The following NGLY1 variants were observed in gnomAD, a reference collection of about 807,000 sequenced individuals.
NGLY1 encodes N-glycanase 1, also known as peptide-N(4)-(N-acetyl-beta-glucosaminyl)asparagine amidase.
NGLY1 carries 68 observed loss-of-function variants against 84.6 expected under a neutral mutation model. The observed-to-expected ratio is 0.80, with a 90% CI of 0.66 to 0.98. The LOEUF (loss-of-function observed/expected upper bound fraction) is 0.98. NGLY1 is among the 50% of genes least tolerant of loss of function. The pLI is 0.00. For missense variants in NGLY1, 779 were observed against 770.2 expected (o/e 1.01, Z -0.14); for synonymous variants, 280 against 275.2 (o/e 1.02, Z -0.17).
chr3:25,766,021 C>A (rs953885541), intron 2 of NGLY1, among the ~76,000 whole-genome samples: 2 of 151,830 alleles, frequency 1.3e-5, no homozygotes, highest in African/African-American at 4.8e-5. Flanking sequence ...TTAAATACAT[C>A]ATCTCAAGTA....
intron 2 of NGLY1, among the ~76,000 whole-genome samples, chr3:25,765,508 C>T (rs1188014333): frequency 1.3e-5 from 2 of 150,676 alleles, no homozygotes; most frequent in Admixed American, 1.3e-4. Flanking sequence ...ACCTGCAGAT[C>T]ATGAGCATTT....
intron 3 of NGLY1, among the ~76,000 whole-genome samples, chr3:25,751,874 A>T (rs1236596573): frequency 6.6e-6 from 1 of 152,218 alleles, no homozygotes; most frequent in Non-Finnish European, 1.5e-5. Context: ...CCTCATCAAC[A>T]AAGAGGTCTG....
chr3:25,776,322 G>A (rs1246817886), intron 2 of NGLY1, among the ~76,000 whole-genome samples: 1 of 152,200 alleles, frequency 6.6e-6, no homozygotes, highest in African/African-American at 2.4e-5. Context: ...CTGAATGAAA[G>A]ACAAATCTAA....
In NGLY1 at chr3:25,733,931, T is replaced by C. The variant is rs201337954; in HGVS notation, c.1201A>G (p.Arg401Gly). The change falls in exon 8 of 12, where the codon AGA becomes GGA. Residue 401 changes from arginine to glycine, a missense_variant. Physicochemically the swap from Arg to Gly is moderately radical, Grantham distance 125. Coordinates refer to ENST00000280700, the MANE Select transcript of NGLY1 (RefSeq NM_018297.4). The part of the protein sequence containing the change: ...YSCKHEEVIA[R>G]RTKVKEALLR... ...AATGCTTCTTTAACCTTAGTTCTTC[T>C]GGCAATCACCTCTTCATGTTTGCAG... 3.1e-6 allele frequency: 5 copies of C among 1,613,958 alleles called. No individual in the cohort carries two copies. The highest frequency in any genetic ancestry group is 4.2e-6 in the Non-Finnish European group (5 of 1,179,894).
At chr3:25,776,498 A>G (rs751478669) in intron 2 of NGLY1, among the ~76,000 whole-genome samples, 3 of 152,180 alleles carry the variant, frequency 2.0e-5, no homozygotes, top group Non-Finnish European at 4.4e-5. Flanking sequence ...TAATCAGATG[A>G]CACCATAATT....
At chr3:25,725,545 G>A (rs1705208415) in intron 10 of NGLY1, among the ~76,000 whole-genome samples, 1 of 152,220 alleles carries the variant, frequency 6.6e-6, no homozygotes, top group African/African-American at 2.4e-5. Flanking sequence ...ATTGGCATCT[G>A]AAGTGGGGAG....
chr3:25,739,225 T>A (rs1705999848), intron 5 of NGLY1, among the ~76,000 whole-genome samples: 1 of 152,216 alleles, frequency 6.6e-6, no homozygotes, highest in African/African-American at 2.4e-5. Context: ...ATGTTATGAC[T>A]ATACTCAAGT....
rs1019451169 is a variant in NGLY1, at chr3:25,730,947, G to A, written c.1425+1372C>T. Among the ~76,000 whole-genome samples, 9 of 152,100 alleles carry A rather than the reference G, an allele frequency of 5.9e-5. No homozygotes were observed. The East Asian group carries it at 1.5e-3, about 26-fold the overall frequency. Reference sequence around the variant, plus strand: ...CAGTGACTCAACTTTAGCTCCCTAAGGGCAAAGGACAGTCTATTATACTGC... The same window carrying A: ...CAGTGACTCAACTTTAGCTCCCTAAAGGCAAAGGACAGTCTATTATACTGC... On this transcript the variant is annotated intron_variant, in intron 9 of 11. Coordinates refer to ENST00000280700, the MANE Select transcript of NGLY1 (RefSeq NM_018297.4).
In NGLY1 at chr3:25,778,477, A is replaced by G. The variant is rs546272013; in HGVS notation, c.246+97T>C. ...CTTCTACTGATTCCCAAAATGATAAATTAAAAAACATTATCTTATTCAAAC... is the reference window on the plus strand; with the variant it reads ...CTTCTACTGATTCCCAAAATGATAAGTTAAAAAACATTATCTTATTCAAAC... On this transcript the variant is annotated intron_variant, in intron 2 of 11. Coordinates refer to ENST00000280700, the MANE Select transcript of NGLY1 (RefSeq NM_018297.4). 7 of 600,566 alleles carry G rather than the reference A, an allele frequency of 1.2e-5. No homozygotes were observed. The African/African-American group carries it at 1.3e-4, about 11-fold the overall frequency. 37.2% of individuals were successfully genotyped at this position (600,566 alleles called of 1,614,324 possible).
At chr3:25,729,745 C>CTT (rs1705445323) in intron 9 of NGLY1, 2 of 152,322 alleles carry the variant, frequency 1.3e-5, no homozygotes, top group African/African-American at 4.8e-5. Flanking sequence ...CACTTTCCTG[C>CTT]TTAACTCACT....
chr3:25,768,672 A>G (rs1204063270), intron 2 of NGLY1, among the ~76,000 whole-genome samples: 2 of 150,086 alleles, frequency 1.3e-5, no homozygotes, highest in African/African-American at 4.9e-5. Flanking sequence ...CAGCCTCCCA[A>G]GTAGCTGGGA....
intron 3 of NGLY1, among the ~76,000 whole-genome samples, chr3:25,751,843 T>C (rs574179604): frequency 2.6e-5 from 4 of 152,196 alleles, no homozygotes; most frequent in Non-Finnish European, 5.9e-5. Flanking sequence ...GCTAATTATC[T>C]CGGCTTCTCC....
At position 25,730,923 on chromosome 3, in the gene NGLY1, A is replaced by C. The variant is rs546309568; in HGVS notation, c.1425+1396T>G. Among the ~76,000 whole-genome samples, 3 of 152,174 alleles carry C rather than the reference A, an allele frequency of 2.0e-5. No individual in the cohort carries two copies. The South Asian group carries it at 6.2e-4, about 32-fold the overall frequency. On this transcript the variant is annotated intron_variant, in intron 9 of 11. Coordinates refer to ENST00000280700, the MANE Select transcript of NGLY1 (RefSeq NM_018297.4). ...CTAAACATTTTATTAAATGCTCTCC[A>C]GTGACTCAACTTTAGCTCCCTAAGG...
At chr3:25,771,516 C>A (rs551183583) in intron 2 of NGLY1, among the ~76,000 whole-genome samples, 1 of 151,884 alleles carries the variant, frequency 6.6e-6, no homozygotes, top group Non-Finnish European at 1.5e-5. Context: ...GTTTTGGCTA[C>A]GTAGGCTGCT....
upstream of NGLY1, among the ~76,000 whole-genome samples, chr3:25,786,988 C>T (rs1397931753): frequency 6.6e-6 from 1 of 152,182 alleles, no homozygotes; most frequent in Non-Finnish European, 1.5e-5. Context: ...TCATAGAAGT[C>T]ATAAGTTTAG....
intron 3 of NGLY1, among the ~76,000 whole-genome samples, chr3:25,762,223 T>C (rs1378920961): frequency 6.6e-6 from 1 of 152,102 alleles, no homozygotes; most frequent in Non-Finnish European, 1.5e-5. Flanking sequence ...CTTTAAAAAA[T>C]ATCTCTCTGG....
chr3:25,783,472 C>A, upstream of NGLY1: 1 of 1,333,488 alleles, frequency 7.5e-7, no homozygotes, highest in South Asian at 2.0e-5. The surrounding 1 kb of genome is among the most constrained non-coding windows in gnomAD (Gnocchi z 4.5). Flanking sequence ...GCAGCAGCTA[C>A]CGCAGCCACC....
intron 3 of NGLY1, among the ~76,000 whole-genome samples, chr3:25,754,737 G>C (rs892630863): frequency 2.7e-5 from 4 of 148,048 alleles, no homozygotes; most frequent in Admixed American, 6.7e-5. Context: ...ACTGTACTAT[G>C]AAGTCAAGAG....
intron 5 of NGLY1, 94 bp downstream of exon 5, chr3:25,739,483 T>C (rs1214818567): frequency 8.3e-7 from 1 of 1,211,302 alleles, no homozygotes; most frequent in Non-Finnish European, 1.2e-6. Context: ...AATATATTTC[T>C]GATAATTAAA....
Sources: allele counts gnomAD v4.1 joint callset (sites outside exome capture counted in the v4.1 genomes callset), GRCh38; gene constraint gnomAD v4.1.1; non-coding constraint Gnocchi (gnomAD v3.1); transcripts MANE v1.5; gene names NCBI Gene and HGNC (gene_info 2026-07-23, HGNC 2026-07-21).